The following ZPLD1 variants were observed in gnomAD, a reference collection of about 807,000 sequenced individuals.
The protein encoded by ZPLD1 is zona pellucida like domain containing 1.
ZPLD1 carries 34 observed loss-of-function variants against 47.2 expected under a neutral mutation model. The ratio of observed to expected loss-of-function variants is 0.72; its 90% CI spans 0.55 to 0.96. The LOEUF (loss-of-function observed/expected upper bound fraction) is 0.96. Ranked by LOEUF, ZPLD1 falls within the 40% of genes least tolerant of loss-of-function variation. The probability of loss-of-function intolerance (pLI) is 0.00; values close to 1 mark genes in which losing one functional copy is unlikely to be tolerated. For missense variants in ZPLD1, 512 were observed against 505.8 expected (o/e 1.01, Z -0.12); for synonymous variants, 176 against 186.2 (o/e 0.95, Z 0.45).
intron 3 of ZPLD1, among the ~76,000 whole-genome samples, chr3:102,445,979 A>G (rs888726002): frequency 6.6e-6 from 1 of 152,218 alleles, no homozygotes; most frequent in African/African-American, 2.4e-5. Flanking sequence ...TGTTCATTGA[A>G]AACTGAAAAC....
chr3:102,473,257 C>T (rs73148429), intron 10 of ZPLD1, among the ~76,000 whole-genome samples: 4,418 of 152,212 alleles, frequency 0.029, 101 homozygotes, highest in Non-Finnish European at 0.049. Flanking sequence ...CTAAGACCCC[C>T]GAAATCCCAG....
At chr3:102,393,868 C>T (rs985351536) in intron 7 of ZPLD1, among the ~76,000 whole-genome samples, 4 of 152,120 alleles carry the variant, frequency 2.6e-5, no homozygotes, top group Admixed American at 1.3e-4. Context: ...CTGAGATCTT[C>T]GTGATTTTTA....
rs147692688 is a variant in ZPLD1, at chr3:102,420,409, G to A, written c.-9+2202G>A. 7.4e-3 allele frequency among the ~76,000 whole-genome samples: 1,127 copies of A among 151,966 alleles called. 12 individuals carry two copies. Among genetic ancestry groups the A allele is most frequent in the African/African-American group, 0.025 (1,044 of 41,510 alleles). On this transcript the variant is annotated intron_variant, in intron 8 of 17. Coordinates refer to the ZPLD1 transcript ENST00000491959. ...TATAGCAGGGTGAGCAAACTTTTCC[G>A]TAAAGGGCCAGATCACAAATATCTT...
chr3:102,458,876 T>G (rs1707460623), intron 6 of ZPLD1, among the ~76,000 whole-genome samples: 1 of 151,768 alleles, frequency 6.6e-6, no homozygotes, highest in South Asian at 2.1e-4. Flanking sequence ...GATCACGAGG[T>G]CAGGAGATCG....
intron 6 of ZPLD1, among the ~76,000 whole-genome samples, chr3:102,389,002 T>G (rs906495064): frequency 1.3e-5 from 2 of 152,178 alleles, no homozygotes; most frequent in African/African-American, 2.4e-5. Flanking sequence ...TTGTATAACT[T>G]CAGTTTAACT....
chr3:102,445,418 A>C (rs1212717506), intron 3 of ZPLD1, among the ~76,000 whole-genome samples: 1 of 152,166 alleles, frequency 6.6e-6, no homozygotes, highest in Non-Finnish European at 1.5e-5. Context: ...GTAAGCATGT[A>C]AATCAGACAA....
chr3:102,470,376 T>C lies in ZPLD1; in HGVS notation c.934-18T>C. 1 of 1,608,468 alleles carries C rather than the reference T, an allele frequency of 6.2e-7. No individual in the cohort carries two copies. The highest frequency in any genetic ancestry group is 8.5e-7 in the Non-Finnish European group (1 of 1,175,366). On this transcript the variant is annotated intron_variant, in intron 9 of 11. Coordinates refer to ENST00000466937, the MANE Select transcript of ZPLD1 (RefSeq NM_001329788.2). ...CTGCGCCGGTGTGGAATTTCATTTG[T>C]TTTCATTAACACCTCAGATTTGCAG...
chr3:102,391,936 T>C (rs138087342), intron 6 of ZPLD1, among the ~76,000 whole-genome samples: 1 of 152,196 alleles, frequency 6.6e-6, no homozygotes, highest in African/African-American at 2.4e-5. Context: ...TTCGAGCTCA[T>C]AGCTAAGAAT....
chr3:102,419,836 T>G (rs1706854976), intron 8 of ZPLD1, among the ~76,000 whole-genome samples: 1 of 151,858 alleles, frequency 6.6e-6, no homozygotes, highest in African/African-American at 2.4e-5. Flanking sequence ...CTCATTTAAG[T>G]ACCTATTAGA....
upstream of ZPLD1, among the ~76,000 whole-genome samples, chr3:102,434,139 A>AT (rs1455262765): frequency 2.0e-5 from 3 of 152,200 alleles, no homozygotes; most frequent in Admixed American, 2.0e-4. Context: ...TGGTTTTCAC[A>AT]TTTTTAACAT....
chr3:102,413,417 G>A (rs894697890), intron 7 of ZPLD1, among the ~76,000 whole-genome samples: 3 of 151,626 alleles, frequency 2.0e-5, no homozygotes, highest in Non-Finnish European at 3.0e-5. Flanking sequence ...ATAGGGTAGT[G>A]CTTATTTTAC....
chr3:102,395,186 C>T (rs1254489885), intron 7 of ZPLD1, among the ~76,000 whole-genome samples: 1 of 152,074 alleles, frequency 6.6e-6, no homozygotes, highest in Admixed American at 6.6e-5. Context: ...AGGCAAATAA[C>T]AGACTCCAAA....
In ZPLD1 at chr3:102,452,889, A is replaced by G. The variant is rs202164690; in HGVS notation, c.107-30A>G. 385 of 1,604,236 alleles carry G rather than the reference A, an allele frequency of 2.4e-4. 3 individuals are homozygous for G. Among genetic ancestry groups the G allele is most frequent in the Middle Eastern group, 5.0e-4 (3 of 6,030 alleles). On this transcript the variant is annotated intron_variant, in intron 3 of 11. Transcript: ENST00000466937. ...ATTTATCTTTCTGCTTTTCTGACTT[A>G]TGTTTGTTTTTTATATATTTTTATT...
chr3:102,440,644 C>T (rs1446326161), intron 3 of ZPLD1, among the ~76,000 whole-genome samples: 1 of 150,766 alleles, frequency 6.6e-6, no homozygotes, highest in Non-Finnish European at 1.5e-5. Flanking sequence ...AGAGTTTATT[C>T]CCTGTGCAAT....
intron 6 of ZPLD1, among the ~76,000 whole-genome samples, chr3:102,389,280 A>G (rs1223827015): frequency 6.6e-6 from 1 of 152,226 alleles, no homozygotes; most frequent in East Asian, 1.9e-4. Context: ...GGCAAAAAAG[A>G]TCAACACATA....
In ZPLD1 at chr3:102,450,971, A is replaced by G. The variant is rs139206397; in HGVS notation, c.107-1948A>G. On this transcript the variant is annotated intron_variant, in intron 3 of 11. Transcript: ENST00000466937. ...TTATTATTTTCTAGGTTGGCAAAGT[A>G]TACTTCATAATTAATTCATTATTTT... is the stretch of plus-strand genomic sequence containing the variant. Among the ~76,000 whole-genome samples the G allele has an allele frequency of 3.6e-3, 547 of 152,344 alleles. 5 individuals carry two copies. The highest frequency in any genetic ancestry group is 0.024 in the Middle Eastern group (7 of 294).
chr3:102,463,890 A>AAAAAT (rs1707548291), intron 7 of ZPLD1, among the ~76,000 whole-genome samples: 1 of 150,384 alleles, frequency 6.6e-6, no homozygotes, highest in African/African-American at 2.4e-5. Context: ...ATACAAAAAA[A>AAAAAT]AAAAAAAAAA....
intron 7 of ZPLD1, among the ~76,000 whole-genome samples, chr3:102,399,573 T>C (rs1014407501): frequency 6.6e-6 from 1 of 152,132 alleles, no homozygotes; most frequent in Non-Finnish European, 1.5e-5. Flanking sequence ...CTTTTTTAAA[T>C]GTCTGCATGG....
chr3:102,432,955 C>G (rs1462767613), upstream of ZPLD1, among the ~76,000 whole-genome samples: 1 of 152,172 alleles, frequency 6.6e-6, no homozygotes, highest in Non-Finnish European at 1.5e-5. Flanking sequence ...CTTAGAACTT[C>G]CTACTATTCT....
Sources: gnomAD v4.1 joint callset for allele counts (sites outside exome capture counted in the v4.1 genomes callset) on GRCh38, gnomAD v4.1.1 for gene constraint, MANE v1.5 for transcripts, NCBI Gene and HGNC (gene_info 2026-07-23, HGNC 2026-07-21) for gene names.